MYO7A: variants seen among roughly 807,000 people sequenced by gnomAD.
The protein encoded by MYO7A is myosin VIIA.
Under a neutral mutation model 263.8 loss-of-function variants are expected in MYO7A, and 210 were observed. The observed-to-expected ratio is 0.80, with a 90% CI of 0.71 to 0.89. The LOEUF is 0.89. Among genes scored for constraint, MYO7A ranks in the 40% least tolerant of loss-of-function variants. The pLI, the probability that MYO7A is intolerant of heterozygous loss-of-function variation, is 0.00. For missense variants in MYO7A, 2,820 were observed against 2,968.3 expected, an observed-to-expected ratio of 0.95 and a Z score of 1.16; for synonymous variants, 1,239 against 1,197.3, an observed-to-expected ratio of 1.03 and a Z score of -0.72.
At chr11:77,179,278 A>G in intron 20 of MYO7A, 149 bp downstream of exon 20, 1 of 668,586 alleles carries the variant, frequency 1.5e-6, no homozygotes. Flanking sequence ...CCATTCCTCC[A>G]GACCGAAGTC....
In MYO7A at chr11:77,163,414, AATCATTGTAG is replaced by A. The variant is rs1310014158; in HGVS notation, c.1690+428_1690+437del. Among the ~76,000 whole-genome samples, 5 of 152,298 alleles carry A rather than the reference AATCATTGTAG, an allele frequency of 3.3e-5. No individual in the cohort carries two copies. The East Asian group carries it at 9.6e-4, about 29-fold the overall frequency. ...GTCGTTAGGCAATTTGGTCATTGTCAATCATTGTAGAGTGTAGTTATACACCTAGATGGTC... is the reference window on the plus strand; with the variant it reads ...GTCGTTAGGCAATTTGGTCATTGTCAAGTGTAGTTATACACCTAGATGGTC... On this transcript the variant is annotated intron_variant, in intron 14 of 48. Coordinates refer to ENST00000409709, the MANE Select transcript of MYO7A (RefSeq NM_000260.4).
At chr11:77,172,925 G>A (rs1555077407) in intron 16 of MYO7A, 40 bp downstream of exon 16, 1 of 1,529,996 alleles carries the variant, frequency 6.5e-7, no homozygotes, top group African/African-American at 1.4e-5. Context: ...TGGCGGCTAG[G>A]GTGACGTGGA....
At chr11:77,145,468 G>A (rs1399705937) in intron 3 of MYO7A, among the ~76,000 whole-genome samples, 1 of 152,184 alleles carries the variant, frequency 6.6e-6, no homozygotes, top group African/African-American at 2.4e-5. Flanking sequence ...AACTGTCATG[G>A]GGAGGGATGT....
chr11:77,133,334 A>G (rs147000531), intron 2 of MYO7A, among the ~76,000 whole-genome samples: 117 of 152,302 alleles, frequency 7.7e-4, no homozygotes, highest in African/African-American at 2.8e-3. Flanking sequence ...GTATGTCATG[A>G]TTCCCAGCTT....
intron 4 of MYO7A, 120 bp from the exon 5 acceptor site, chr11:77,155,787 T>C: frequency 8.8e-7 from 1 of 1,138,350 alleles, no homozygotes; most frequent in Non-Finnish European, 1.2e-6. Flanking sequence ...TCCACCCACA[T>C]GACTCCAAAG....
rs1555070198 is a variant in MYO7A at position 77,162,930 on chromosome 11, C to A, written c.1632C>A (p.Asn544Lys). ...CCAACTACATCCCCCCCAAGAACAA[C>A]CATGAGACCCAGTTTGGCATCAACC... ...LNANYIPPKN[N>K]HETQFGINHF... Residue 544 changes from asparagine to lysine, a missense_variant, in exon 14 of 49, where the codon AAC becomes AAA. Asn to Lys is a moderately conservative substitution (Grantham distance 94, BLOSUM62 0). Transcript: ENST00000409709. 1 of 1,613,878 alleles carries A rather than the reference C, an allele frequency of 6.2e-7. No homozygotes were observed. Among genetic ancestry groups the A allele is most frequent in the East Asian group, 2.2e-5 (1 of 44,884 alleles).
rs542811650 is a variant in MYO7A, at chr11:77,150,120, A to G, written c.285+2170A>G. Among the ~76,000 whole-genome samples, 12 of 152,332 alleles carry G rather than the reference A, an allele frequency of 7.9e-5. No homozygotes were observed. In the East Asian group the frequency reaches 2.1e-3, roughly 27 times the overall value. On this transcript the variant is annotated intron_variant, in intron 4 of 48. Coordinates refer to ENST00000409709, the MANE Select transcript of MYO7A (RefSeq NM_000260.4). ...GGGCCAGTGTTTTGTCATTGTCCCTATGCTGAGGCTGGAACCCAAGGCCCA... is the reference window on the plus strand; with the variant it reads ...GGGCCAGTGTTTTGTCATTGTCCCTGTGCTGAGGCTGGAACCCAAGGCCCA...
chr11:77,160,193 A>T lies in MYO7A; in HGVS notation c.1111A>T (p.Thr371Ser), dbSNP rs782193578. Residue 371 changes from threonine (T) to serine (S), a missense_variant, in exon 11 of 49, where the codon ACT (threonine) becomes TCT (serine). Transcript: ENST00000409709. The part of the protein sequence containing the change: ...VNPPDLMSCL[T>S]SRTLITRGET... ...CCCCCCAGACCTGATGAGCTGCCTG[A>T]CTAGCCGCACCCTCATCACCCGCGG... 9.4e-5 allele frequency: 147 copies of T among 1,571,748 alleles called. No homozygotes were observed. The highest frequency in any genetic ancestry group is 1.2e-4 in the Non-Finnish European group (141 of 1,159,694).
In MYO7A at chr11:77,199,802, G is replaced by A; in HGVS notation, c.4836G>A (p.Gln1612=). 1 of 1,596,544 alleles carries A rather than the reference G, an allele frequency of 6.3e-7. No homozygotes were observed. The highest frequency in any genetic ancestry group is 8.6e-7 in the Non-Finnish European group (1 of 1,166,764). Residue 1612 remains glutamine (Q), a synonymous_variant, in exon 35 of 49, where the codon CAG becomes CAA. Transcript: ENST00000409709. ...GATCTAAGTATGTTGTGGCCCTGCAGGATAACCCCAACCCCGGTGAGTGGC... is the reference window on the plus strand; with the variant it reads ...GATCTAAGTATGTTGTGGCCCTGCAAGATAACCCCAACCCCGGTGAGTGGC... ...RKRSKYVVAL[Q]DNPNPAGEES... is the part of the protein sequence containing the mutation.
chr11:77,192,102 T>G lies in MYO7A; in HGVS notation c.3976T>G (p.Cys1326Gly). The part of the protein sequence containing the change: ...SDHVMDAISQ[C>G]EQYAKEQGAQ... ...CCACGTCATGGACGCCATCTCCCAG[T>G]GCGAGCAGTACGCCAAGGAGCAGGG... Residue 1326 changes from cysteine to glycine, a missense_variant, in exon 31 of 49, where the codon TGC becomes GGC. Coordinates refer to ENST00000409709, the MANE Select transcript of MYO7A (RefSeq NM_000260.4). 1 of 1,613,854 alleles carries G rather than the reference T, an allele frequency of 6.2e-7. No homozygotes were observed. Among genetic ancestry groups the G allele is most frequent in the Non-Finnish European group, 8.5e-7 (1 of 1,179,888 alleles).
intron 31 of MYO7A, among the ~76,000 whole-genome samples, chr11:77,192,526 C>A (rs918417113): frequency 6.6e-6 from 1 of 152,068 alleles, no homozygotes. Context: ...GGCCCCCACA[C>A]TGCTGTAGTG....
At chr11:77,162,724 C>A (rs186323151) in intron 13 of MYO7A, 129 bp from the exon 14 acceptor site, 1 of 1,269,828 alleles carries the variant, frequency 7.9e-7, no homozygotes, top group Non-Finnish European at 1.1e-6. Context: ...CCAGAGAGCG[C>A]CTATGTGAGG....
In MYO7A at chr11:77,156,088, T is replaced by G; in HGVS notation, c.467T>G (p.Ile156Ser). 6.2e-7 allele frequency: 1 copy of G among 1,613,690 alleles called. No homozygotes were observed. The highest frequency in any genetic ancestry group is 8.5e-7 in the Non-Finnish European group (1 of 1,179,824). Residue 156 changes from isoleucine (I) to serine (S), a missense_variant, in exon 5 of 49, where the codon ATC becomes AGC. Transcript: ENST00000409709. The stretch of plus-strand genomic sequence containing the variant: ...AACAGCCGAGACCAGTGCTGCATCA[T>G]CAGGTGGGCGGCCCAGCACCTGTGT... ...KRNSRDQCCI[I>S]SGESGAGKTE...
At chr11:77,180,289 A>C (rs1824371419) in intron 21 of MYO7A, 85 bp from the exon 22 acceptor site, 1 of 993,412 alleles carries the variant, frequency 1.0e-6, no homozygotes, top group African/African-American at 1.8e-5. Context: ...TCCAGAACTC[A>C]GAGTTGGGTG....
At chr11:77,153,563 C>T (rs1952172258) in intron 4 of MYO7A, among the ~76,000 whole-genome samples, 1 of 151,834 alleles carries the variant, frequency 6.6e-6, no homozygotes, top group South Asian at 2.1e-4. Flanking sequence ...CTCTGGACTT[C>T]CCGTGCCTTG....
chr11:77,208,423 A>T lies in MYO7A; in HGVS notation c.5857-7A>T, dbSNP rs1320703. 0.56 allele frequency: 893,811 copies of T among 1,593,946 alleles called. 253,876 individuals carry two copies. The highest frequency in any genetic ancestry group is 0.66 in the Admixed American group (39,098 of 59,464). On this transcript the variant is annotated splice_region_variant and splice_polypyrimidine_tract_variant and intron_variant, in intron 42 of 48. Coordinates refer to ENST00000409709, the MANE Select transcript of MYO7A (RefSeq NM_000260.4). ...AACTGAGTGTGCTTCGATGGCCCTGACCCCAGGTCCTCAGCGTTCCTGAGA... is the reference window on the plus strand; with the variant it reads ...AACTGAGTGTGCTTCGATGGCCCTGTCCCCAGGTCCTCAGCGTTCCTGAGA...
At chr11:77,189,082 A>G (rs2135547711) in intron 27 of MYO7A, among the ~76,000 whole-genome samples, 2 of 152,212 alleles carry the variant, frequency 1.3e-5, no homozygotes, top group South Asian at 2.1e-4. Flanking sequence ...CAGGATACGC[A>G]CCACCCTGGA....
rs2276291 is a variant in MYO7A at position 77,207,277 on chromosome 11, T to C, written c.5743-12T>C. Reference sequence around the variant, plus strand: ...GGCCCTGCAGGAGCCCAGTGCTCACTGCCCCTCCCAGGCCTTCGAAGTGGA... The same window carrying C: ...GGCCCTGCAGGAGCCCAGTGCTCACCGCCCCTCCCAGGCCTTCGAAGTGGA... On this transcript the variant is annotated splice_polypyrimidine_tract_variant and intron_variant, in intron 41 of 48. Transcript: ENST00000409709. 0.58 allele frequency: 926,944 copies of C among 1,592,366 alleles called. 273,228 individuals are homozygous for C. Among genetic ancestry groups the C allele is most frequent in the African/African-American group, 0.73 (54,699 of 74,472 alleles).
intron 27 of MYO7A, among the ~76,000 whole-genome samples, chr11:77,186,294 A>G (rs1217977626): frequency 6.6e-6 from 1 of 152,224 alleles, no homozygotes; most frequent in Non-Finnish European, 1.5e-5. Flanking sequence ...GAAAGTCAGC[A>G]GTGCATTAGC....
Sources: allele counts gnomAD v4.1 joint callset (sites outside exome capture counted in the v4.1 genomes callset), GRCh38; gene constraint gnomAD v4.1.1; transcripts MANE v1.5; gene names NCBI Gene and HGNC (gene_info 2026-07-23, HGNC 2026-07-21).